Variants in TNFRSF21 observed in about 807,000 individuals in gnomAD.
TNFRSF21 encodes the protein tumor necrosis factor receptor superfamily member 21.
In TNFRSF21, 19 loss-of-function variants were observed where a neutral mutation model predicts 45.6. That is an observed-to-expected ratio of 0.42 (90% confidence interval 0.29 to 0.61). The LOEUF (loss-of-function observed/expected upper bound fraction) is 0.61. Ranked by LOEUF, TNFRSF21 falls within the 20% of genes least tolerant of loss-of-function variation. TNFRSF21 has a pLI of 0.23. For missense variants in TNFRSF21, 737 were observed against 851.5 expected (o/e 0.87, Z 1.67); for synonymous variants, 314 against 335.5 (o/e 0.94, Z 0.70).
At chr6:47,283,545 C>T (rs1762598428) in intron 3 of TNFRSF21, among the ~76,000 whole-genome samples, 1 of 152,220 alleles carries the variant, frequency 6.6e-6, no homozygotes, top group Admixed American at 6.5e-5. Flanking sequence ...AAAGCAAGTG[C>T]TCCAACAGTC....
chr6:47,278,053 T>C (rs1762522990), intron 3 of TNFRSF21, among the ~76,000 whole-genome samples: 4 of 152,184 alleles, frequency 2.6e-5, no homozygotes, highest in African/African-American at 9.7e-5. Flanking sequence ...CCAGTGTCCA[T>C]GGGCTGATGT....
chr6:47,284,256 T>A lies in TNFRSF21; in HGVS notation c.925A>T (p.Ile309Phe). 2.5e-6 allele frequency: 4 copies of A among 1,613,558 alleles called. No individual in the cohort carries two copies. The highest frequency in any genetic ancestry group is 3.4e-6 in the Non-Finnish European group (4 of 1,179,654). The change falls in exon 3 of 6, where the codon ATC becomes TTC. Residue 309 changes from isoleucine to phenylalanine, a missense_variant. Transcript: ENST00000296861. ...NHQQGPHHRH[I>F]LKLLPSMEAT... Reference sequence around the variant, plus strand: ...TCCATGGACGGCAGCAGCTTCAGGATGTGTCTGTGGTGGGGGCCTTGCTGG... The same window carrying A: ...TCCATGGACGGCAGCAGCTTCAGGAAGTGTCTGTGGTGGGGGCCTTGCTGG...
intron 1 of TNFRSF21, among the ~76,000 whole-genome samples, chr6:47,302,582 C>A (rs1256927303): frequency 1.3e-5 from 2 of 152,168 alleles, no homozygotes; most frequent in African/African-American, 2.4e-5. Context: ...AAATGCTTAC[C>A]AATGACTGCA....
intron 1 of TNFRSF21, among the ~76,000 whole-genome samples, chr6:47,305,515 A>G (rs1762925838): frequency 6.6e-6 from 1 of 152,174 alleles, no homozygotes; most frequent in Non-Finnish European, 1.5e-5. Flanking sequence ...TTTGCCACCA[A>G]GTCTTGACAT....
intron 1 of TNFRSF21, among the ~76,000 whole-genome samples, chr6:47,300,079 CCAA>C (rs1227671386): frequency 1.3e-5 from 2 of 152,198 alleles, no homozygotes; most frequent in African/African-American, 4.8e-5. Context: ...AGCCAAGCAT[CCAA>C]CAACAATAGA....
At chr6:47,309,055 G>A (rs1582369389) in intron 1 of TNFRSF21, among the ~76,000 whole-genome samples, 1 of 152,328 alleles carries the variant, frequency 6.6e-6, no homozygotes, top group East Asian at 1.9e-4. Context: ...GGCAGTGGCC[G>A]ATGGGTGGGG....
intron 5 of TNFRSF21, 134 bp downstream of exon 5, chr6:47,234,536 A>T: frequency 2.7e-6 from 2 of 742,784 alleles, no homozygotes; most frequent in Non-Finnish European, 4.4e-6. Context: ...GAAGTTTTGG[A>T]CTGGTCTTCC....
chr6:47,306,505 C>G (rs947898437), intron 1 of TNFRSF21, among the ~76,000 whole-genome samples: 2 of 152,116 alleles, frequency 1.3e-5, no homozygotes, highest in Non-Finnish European at 2.9e-5. Flanking sequence ...TCCATTTTCT[C>G]AACTATAAAA....
intron 1 of TNFRSF21, among the ~76,000 whole-genome samples, chr6:47,298,433 A>G (rs1173127035): frequency 6.6e-6 from 1 of 152,152 alleles, no homozygotes; most frequent in Non-Finnish European, 1.5e-5. Flanking sequence ...TGGGTGACAG[A>G]GCAAGACCCT....
intron 3 of TNFRSF21, among the ~76,000 whole-genome samples, chr6:47,279,508 T>C (rs1382745773): frequency 6.6e-6 from 1 of 152,232 alleles, no homozygotes; most frequent in Non-Finnish European, 1.5e-5. Context: ...AATTCTACTA[T>C]CTTTACTTTT....
chr6:47,250,219 C>G (rs1413959487), intron 4 of TNFRSF21, among the ~76,000 whole-genome samples: 1 of 152,094 alleles, frequency 6.6e-6, no homozygotes, highest in Non-Finnish European at 1.5e-5. Flanking sequence ...AGATAACATA[C>G]AAACTGGAAT....
intron 1 of TNFRSF21, among the ~76,000 whole-genome samples, chr6:47,289,330 T>G (rs1283585542): frequency 2.0e-5 from 3 of 152,176 alleles, no homozygotes; most frequent in African/African-American, 4.8e-5. Flanking sequence ...CCCCAAAATT[T>G]AACTATTTGA....
rs561992664 is a variant in TNFRSF21, at chr6:47,244,166, C to CA, written c.1509+9089dup. Among the ~76,000 whole-genome samples the CA allele has an allele frequency of 4.7e-3, 711 of 151,522 alleles. 4 individuals are homozygous for CA. Among genetic ancestry groups the CA allele is most frequent in the South Asian group, 0.021 (99 of 4,772 alleles). ...GAAACCCCATCTCTACTAAAAAATACAAAAAAAATTAGCCAGGCGTGGTGG... is the reference window on the plus strand; with the variant it reads ...GAAACCCCATCTCTACTAAAAAATACAAAAAAAAATTAGCCAGGCGTGGTGG... On this transcript the variant is annotated intron_variant, in intron 4 of 5. Coordinates refer to ENST00000296861, the MANE Select transcript of TNFRSF21 (RefSeq NM_014452.5).
At chr6:47,282,157 G>A (rs879299240) in intron 3 of TNFRSF21, among the ~76,000 whole-genome samples, 7 of 152,114 alleles carry the variant, frequency 4.6e-5, no homozygotes, top group Middle Eastern at 3.4e-3. Context: ...AGGCCGAGGC[G>A]GGCGGATCAC....
Position 47,252,847 on chromosome 6 carries a change from T to C in TNFRSF21, c.1509+409A>G, listed in dbSNP as rs562884634. Among the ~76,000 whole-genome samples, 71 of 152,312 alleles carry C rather than the reference T, an allele frequency of 4.7e-4. No homozygotes were observed. In the South Asian group the frequency reaches 7.7e-3, roughly 16 times the overall value. On this transcript the variant is annotated intron_variant, in intron 4 of 5. Transcript: ENST00000296861. The stretch of plus-strand genomic sequence containing the variant: ...AAGAATGCTGCCTTCATAAGCCACA[T>C]CACAAAAACACCCTCTGGAGGAGAG...
At chr6:47,283,736 G>A (rs917659660) in intron 3 of TNFRSF21, among the ~76,000 whole-genome samples, 1 of 152,180 alleles carries the variant, frequency 6.6e-6, no homozygotes, top group Admixed American at 6.5e-5. Flanking sequence ...AGGGGAAAAG[G>A]AGGAAGAGAG....
chr6:47,274,847 T>G (rs1762474694), intron 3 of TNFRSF21, among the ~76,000 whole-genome samples: 2 of 152,184 alleles, frequency 1.3e-5, no homozygotes. Flanking sequence ...CAGACACTTC[T>G]CAAAAGAAGA....
intron 2 of TNFRSF21, 149 bp from the exon 3 acceptor site, chr6:47,284,581 TC>T: frequency 1.0e-6 from 1 of 971,544 alleles, no homozygotes; most frequent in Non-Finnish European, 1.4e-6. Flanking sequence ...TTGCACATTT[TC>T]ATAAAGACCC....
intron 3 of TNFRSF21, among the ~76,000 whole-genome samples, chr6:47,265,976 T>G (rs1487620779): frequency 6.6e-6 from 1 of 152,228 alleles, no homozygotes; most frequent in African/African-American, 2.4e-5. Flanking sequence ...TTTCTTAAGG[T>G]ATTCCTGATA....
Sources: allele counts gnomAD v4.1 joint callset (sites outside exome capture counted in the v4.1 genomes callset), GRCh38; gene constraint gnomAD v4.1.1; transcripts MANE v1.5; gene names NCBI Gene and HGNC (gene_info 2026-07-23, HGNC 2026-07-21).